Variants in DPP6 observed in about 807,000 individuals in gnomAD.
DPP6 encodes the protein A-type potassium channel modulatory protein DPP6.
Under a neutral mutation model 122.6 loss-of-function variants are expected in DPP6, and 69 were observed. That is an observed-to-expected ratio of 0.56 (90% CI 0.46 to 0.69). The LOEUF (loss-of-function observed/expected upper bound fraction) is 0.69. DPP6 is among the 30% of genes least tolerant of loss of function. The pLI is 0.00. For synonymous variants in DPP6, 418 were observed against 433.1 expected, an observed-to-expected ratio of 0.97 and a Z score of 0.43; for missense variants, 928 against 1,116.9, an observed-to-expected ratio of 0.83 and a Z score of 2.41.
chr7:154,174,728 C>T (rs529924865), intron 1 of DPP6, among the ~76,000 whole-genome samples: 3 of 152,296 alleles, frequency 2.0e-5, no homozygotes, highest in African/African-American at 7.2e-5. Context: ...CAGGAGACAT[C>T]GAGTCCCTGT....
Position 154,872,440 on chromosome 7 carries a change from C to T in DPP6, c.1814-184C>T, listed in dbSNP as rs373591721. 4.7e-4 allele frequency among the ~76,000 whole-genome samples: 72 copies of T among 152,360 alleles called. 1 individual carries two copies. The East Asian group carries it at 8.5e-3, about 18-fold the overall frequency. The stretch of plus-strand genomic sequence containing the variant: ...ATGAAGCTTCACACAGGTCGGGTGA[C>T]TTGCCCAAGGCCGCGCAGCAGGCCA... On this transcript the variant is annotated intron_variant, in intron 18 of 25. Coordinates refer to ENST00000377770, the MANE Select transcript of DPP6 (RefSeq NM_130797.4).
chr7:154,767,427 C>T (rs932222295), intron 8 of DPP6, among the ~76,000 whole-genome samples: 4 of 152,194 alleles, frequency 2.6e-5, no homozygotes, highest in South Asian at 4.1e-4. Context: ...GCAGCCTGGG[C>T]AGATCTGGTG....
intron 1 of DPP6, among the ~76,000 whole-genome samples, chr7:154,346,508 T>C (rs1382008850): frequency 6.6e-6 from 1 of 152,134 alleles, no homozygotes; most frequent in Non-Finnish European, 1.5e-5. Context: ...GGTTTCACCA[T>C]GTTGGCCAGG....
intron 10 of DPP6, among the ~76,000 whole-genome samples, chr7:154,793,231 T>G (rs947388163): frequency 6.6e-6 from 1 of 152,204 alleles, no homozygotes; most frequent in Non-Finnish European, 1.5e-5. Context: ...GGTGAATGAT[T>G]GAACGCGCAT....
chr7:154,240,063 C>T (rs917503927), intron 1 of DPP6, among the ~76,000 whole-genome samples: 13 of 138,016 alleles, frequency 9.4e-5, no homozygotes, highest in Admixed American at 6.8e-4. Context: ...TTCAGCTGCT[C>T]GGAGGTTCAA....
At chr7:154,173,018 G>A (rs1037441630) in intron 1 of DPP6, among the ~76,000 whole-genome samples, 1 of 152,200 alleles carries the variant, frequency 6.6e-6, no homozygotes, top group Non-Finnish European at 1.5e-5. Flanking sequence ...TGGTAGGAAA[G>A]AGTAGGCTGC....
chr7:154,776,864 C>G (rs1330558807), intron 10 of DPP6, among the ~76,000 whole-genome samples: 2 of 152,150 alleles, frequency 1.3e-5, no homozygotes, highest in Non-Finnish European at 2.9e-5. Flanking sequence ...CTAAGCCATG[C>G]CCCTGAGCAC....
intron 8 of DPP6, among the ~76,000 whole-genome samples, chr7:154,728,486 G>T (rs193124146): frequency 5.1e-4 from 78 of 152,262 alleles, no homozygotes; most frequent in Middle Eastern, 6.8e-3. Context: ...CTTAAACTTT[G>T]ATAACCTGTC....
intron 1 of DPP6, among the ~76,000 whole-genome samples, chr7:153,914,754 C>T (rs1386689069): frequency 6.6e-6 from 1 of 152,098 alleles, no homozygotes; most frequent in African/African-American, 2.4e-5. Flanking sequence ...ATTGAGACTG[C>T]CTTTGTTCTT....
intron 7 of DPP6, among the ~76,000 whole-genome samples, chr7:154,696,856 C>T (rs1200918479): frequency 1.3e-5 from 2 of 152,180 alleles, no homozygotes; most frequent in East Asian, 1.9e-4. Context: ...AGTTAGGAGC[C>T]GGCCTCGGGG....
chr7:154,152,333 G>T (rs891252464), intron 1 of DPP6, among the ~76,000 whole-genome samples: 3 of 152,116 alleles, frequency 2.0e-5, no homozygotes, highest in Non-Finnish European at 2.9e-5. Context: ...AATCTAACTG[G>T]TGTATCTTCA....
At chr7:154,298,316 C>T (rs1805679125) in intron 1 of DPP6, among the ~76,000 whole-genome samples, 1 of 137,854 alleles carries the variant, frequency 7.3e-6, no homozygotes, top group African/African-American at 2.7e-5. Context: ...CTGGAGACCC[C>T]TGCTGCGTGT....
chr7:153,983,499 C>T (rs1237673057), intron 1 of DPP6, among the ~76,000 whole-genome samples: 2 of 152,328 alleles, frequency 1.3e-5, no homozygotes, highest in Middle Eastern at 3.4e-3. Context: ...GAGATGGGCT[C>T]CGCTGAGCAA....
chr7:154,294,844 T>C (rs1318758304), intron 1 of DPP6, among the ~76,000 whole-genome samples: 2 of 152,182 alleles, frequency 1.3e-5, no homozygotes, highest in Non-Finnish European at 2.9e-5. Flanking sequence ...CGACAATCTG[T>C]GGGCTTGTTC....
intron 5 of DPP6, among the ~76,000 whole-genome samples, chr7:154,582,113 C>G (rs1344302645): frequency 6.6e-6 from 1 of 152,154 alleles, no homozygotes; most frequent in Non-Finnish European, 1.5e-5. Flanking sequence ...CCCAAAGGGA[C>G]CAGCCACCAC....
intron 1 of DPP6, among the ~76,000 whole-genome samples, chr7:154,123,041 T>C (rs1807610715): frequency 6.6e-6 from 1 of 152,074 alleles, no homozygotes; most frequent in Admixed American, 6.6e-5. Context: ...AAAATCAGAA[T>C]CGTATCAAAG....
chr7:154,165,663 C>T (rs1164680030), intron 1 of DPP6, among the ~76,000 whole-genome samples: 1 of 151,958 alleles, frequency 6.6e-6, no homozygotes, highest in East Asian at 1.9e-4. Flanking sequence ...TCCTCTCCAT[C>T]ACCTGTTGTT....
intron 2 of DPP6, among the ~76,000 whole-genome samples, chr7:154,453,112 C>T (rs186070758): frequency 2.7e-4 from 41 of 152,296 alleles, no homozygotes; most frequent in Admixed American, 1.0e-3. Flanking sequence ...TGACCTTCTC[C>T]GGTGCCACAA....
intron 1 of DPP6, among the ~76,000 whole-genome samples, chr7:154,174,015 C>T (rs1047233826): frequency 6.6e-6 from 1 of 152,198 alleles, no homozygotes; most frequent in Non-Finnish European, 1.5e-5. Context: ...CTTAAGGGGA[C>T]CAGTTTCCCC....
Sources: gnomAD v4.1 joint callset for allele counts (sites outside exome capture counted in the v4.1 genomes callset) on GRCh38, gnomAD v4.1.1 for gene constraint, MANE v1.5 for transcripts, NCBI Gene and HGNC (gene_info 2026-07-23, HGNC 2026-07-21) for gene names.